Variants in SEMA3A observed in about 807,000 individuals in gnomAD.
The protein encoded by SEMA3A is semaphorin-3A.
SEMA3A carries 29 observed loss-of-function variants against 97.9 expected under a neutral mutation model. That is an observed-to-expected ratio of 0.30 (90% CI 0.22 to 0.40). The LOEUF is 0.40. SEMA3A is among the 10% of genes least tolerant of loss of function. SEMA3A has a pLI of 1.00. For synonymous variants in SEMA3A, 321 were observed against 323.7 expected, an observed-to-expected ratio of 0.99 and a Z score of 0.09; for missense variants, 763 against 951.3, an observed-to-expected ratio of 0.80 and a Z score of 2.60.
intron 1 of SEMA3A, among the ~76,000 whole-genome samples, chr7:84,477,063 A>T (rs1378197955): frequency 2.7e-5 from 3 of 110,152 alleles, no homozygotes; most frequent in Non-Finnish European, 5.3e-5. Context: ...TGTGTTTGTT[A>T]AAAAAAAAAA....
At chr7:84,245,128 T>C (rs1799450212) in intron 3 of SEMA3A, among the ~76,000 whole-genome samples, 1 of 152,162 alleles carries the variant, frequency 6.6e-6, no homozygotes, top group South Asian at 2.1e-4. Context: ...AATTTGAATG[T>C]TGGCCTGTAT....
chr7:84,190,196 C>G (rs1289622431), intron 1 of SEMA3A, among the ~76,000 whole-genome samples: 2 of 151,784 alleles, frequency 1.3e-5, no homozygotes, highest in Non-Finnish European at 3.0e-5. Context: ...CAGCTTTAAG[C>G]AGAGAATCCA....
chr7:84,310,047 A>C (rs1288176959), intron 2 of SEMA3A, among the ~76,000 whole-genome samples: 1 of 152,224 alleles, frequency 6.6e-6, no homozygotes, highest in African/African-American at 2.4e-5. Context: ...TATTGTAGAA[A>C]ACATACATAA....
intron 2 of SEMA3A, among the ~76,000 whole-genome samples, chr7:84,344,395 C>G (rs1802244566): frequency 6.6e-6 from 1 of 152,122 alleles, no homozygotes; most frequent in Non-Finnish European, 1.5e-5. Context: ...ATAAGGTGAG[C>G]CCTACAATTG....
At chr7:83,997,124 A>G (rs1313507390) in intron 12 of SEMA3A, among the ~76,000 whole-genome samples, 3 of 152,200 alleles carry the variant, frequency 2.0e-5, no homozygotes, top group Non-Finnish European at 4.4e-5. Flanking sequence ...TCAAGGACAC[A>G]TAATGAACAT....
intron 1 of SEMA3A, among the ~76,000 whole-genome samples, chr7:84,430,877 A>C (rs1804962472): frequency 6.6e-6 from 1 of 151,728 alleles, no homozygotes; most frequent in East Asian, 1.9e-4. Context: ...TAGTTTTGGC[A>C]AAGAAATAAA....
At chr7:84,038,489 A>G (rs1322827264) in intron 6 of SEMA3A, among the ~76,000 whole-genome samples, 1 of 152,112 alleles carries the variant, frequency 6.6e-6, no homozygotes, top group African/African-American at 2.4e-5. Context: ...TAACAACCAA[A>G]TGAGAGAGAA....
At chr7:84,001,691 A>C (rs1361416218) in intron 12 of SEMA3A, among the ~76,000 whole-genome samples, 1 of 152,074 alleles carries the variant, frequency 6.6e-6, no homozygotes, top group Admixed American at 6.6e-5. Flanking sequence ...AATAATATAA[A>C]ATGTAATATA....
intron 3 of SEMA3A, among the ~76,000 whole-genome samples, chr7:84,298,480 T>G (rs2115813044): frequency 6.6e-6 from 1 of 152,114 alleles, no homozygotes; most frequent in East Asian, 1.9e-4. Flanking sequence ...CACATAAAAT[T>G]TATTAATTTA....
At chr7:84,454,946 T>C (rs1260707487) in intron 1 of SEMA3A, among the ~76,000 whole-genome samples, 1 of 152,054 alleles carries the variant, frequency 6.6e-6, no homozygotes, top group Non-Finnish European at 1.5e-5. Context: ...AGGTTTAATG[T>C]AATCTTTAAA....
intron 2 of SEMA3A, among the ~76,000 whole-genome samples, chr7:84,327,986 T>G (rs1038380321): frequency 6.6e-6 from 1 of 152,054 alleles, no homozygotes; most frequent in African/African-American, 2.4e-5. Flanking sequence ...AGATAATTTA[T>G]AGTAGTTCTA....
intron 2 of SEMA3A, among the ~76,000 whole-genome samples, chr7:84,338,845 T>G (rs576777426): frequency 6.6e-6 from 1 of 152,300 alleles, no homozygotes; most frequent in African/African-American, 2.4e-5. Flanking sequence ...GACAAAGTTT[T>G]AAGTATTAAG....
intron 2 of SEMA3A, among the ~76,000 whole-genome samples, chr7:84,366,382 A>G (rs1802847653): frequency 6.6e-6 from 1 of 151,430 alleles, no homozygotes; most frequent in Admixed American, 6.6e-5. Flanking sequence ...TAAGCATCAA[A>G]CAAATAATTA....
chr7:84,120,957 T>C lies in SEMA3A; in HGVS notation c.333+8166A>G, dbSNP rs551578524. Among the ~76,000 whole-genome samples the C allele has an allele frequency of 1.1e-4, 17 of 152,242 alleles. No individual in the cohort carries two copies. In the South Asian group the frequency reaches 1.2e-3, roughly 11 times the overall value. ...TGGGAAGAGGGTCAGGTAATACCTA[T>C]ACATGTGGTTAGTTGCATTATAGGA... On this transcript the variant is annotated intron_variant, in intron 3 of 16. Coordinates refer to ENST00000265362, the MANE Select transcript of SEMA3A (RefSeq NM_006080.3).
At chr7:84,140,527 T>C (rs918330933) in intron 1 of SEMA3A, among the ~76,000 whole-genome samples, 9 of 152,166 alleles carry the variant, frequency 5.9e-5, no homozygotes, top group Non-Finnish European at 1.0e-4. Flanking sequence ...CCTGTATTCA[T>C]TGATGGCTTT....
intron 12 of SEMA3A, among the ~76,000 whole-genome samples, chr7:83,993,366 A>AC (rs1454897325): frequency 6.6e-5 from 10 of 150,860 alleles, no homozygotes; most frequent in Admixed American, 1.3e-4. Context: ...TTATGATGTT[A>AC]CCTGGTTATT....
chr7:83,966,472 CT>C (rs1317720672), intron 15 of SEMA3A, among the ~76,000 whole-genome samples: 1 of 152,142 alleles, frequency 6.6e-6, no homozygotes, highest in Non-Finnish European at 1.5e-5. Flanking sequence ...GATAACTACT[CT>C]TGCCAGTACC....
At chr7:84,325,448 T>G (rs537533176) in intron 2 of SEMA3A, among the ~76,000 whole-genome samples, 2 of 152,082 alleles carry the variant, frequency 1.3e-5, no homozygotes, top group Non-Finnish European at 2.9e-5. Context: ...AGACAGAAGA[T>G]TTGCCACAGG....
At chr7:84,169,740 T>C (rs1029966748) in intron 1 of SEMA3A, among the ~76,000 whole-genome samples, 1 of 151,464 alleles carries the variant, frequency 6.6e-6, no homozygotes, top group Non-Finnish European at 1.5e-5. Flanking sequence ...GGAAGTAAGA[T>C]TAAATAATGC....
Sources: allele counts gnomAD v4.1 joint callset (sites outside exome capture counted in the v4.1 genomes callset), GRCh38; gene constraint gnomAD v4.1.1; transcripts MANE v1.5; gene names NCBI Gene and HGNC (gene_info 2026-07-23, HGNC 2026-07-21).